The following CELF2 variants were observed in gnomAD, a reference collection of about 807,000 sequenced individuals.
CELF2 encodes the protein CUGBP Elav-like family member 2, also known as CUG triplet repeat RNA-binding protein 2.
In CELF2, 8 loss-of-function variants were observed where a neutral mutation model predicts 62.6. The ratio of observed to expected loss-of-function variants is 0.13; its 90% confidence interval spans 0.07 to 0.23. The LOEUF is 0.23. CELF2 is among the 10% of genes least tolerant of loss of function. CELF2 has a pLI of 1.00. For synonymous variants in CELF2, 258 were observed against 250.0 expected (o/e 1.03, Z -0.30); for missense variants, 333 against 671.0 (o/e 0.50, Z 5.56).
chr10:11,060,695 G>C (rs190466931), intron 1 of CELF2, among the ~76,000 whole-genome samples: 2 of 152,144 alleles, frequency 1.3e-5, no homozygotes, highest in East Asian at 3.9e-4. Flanking sequence ...TGAAATTGTC[G>C]GTGCCATTTC....
At chr10:11,069,431 T>C (rs976958156) in intron 1 of CELF2, among the ~76,000 whole-genome samples, 1 of 152,102 alleles carries the variant, frequency 6.6e-6, no homozygotes, top group Non-Finnish European at 1.5e-5. Flanking sequence ...TCAGGAATCA[T>C]GTGAGTCAGT....
In CELF2 at chr10:11,314,267, A is replaced by G. The variant is rs755564068; in HGVS notation, c.1096+9A>G. On this transcript the variant is annotated intron_variant, in intron 10 of 12. Transcript: ENST00000633077. This position sits in a 1 kb window ranked among gnomAD's most constrained non-coding sequence, Gnocchi z 5.3. ...TATTAATGCACTAGCAGGTACCATC[A>G]ACAGTGAGTATTTGCTGCTCTGGTG... The G allele has an allele frequency of 3.7e-6, 6 of 1,614,176 alleles. No homozygotes were observed. In the South Asian group the frequency reaches 6.6e-5, roughly 18 times the overall value.
At chr10:10,697,468 T>C in the CELF2 span, among the ~76,000 whole-genome samples, 3 of 152,270 alleles carry the variant, frequency 2.0e-5, no homozygotes, top group East Asian at 3.9e-4. Context: ...GTGAGGTTGA[T>C]ATCTTAGTCT....
chr10:11,259,044 T>G (rs1468781185), intron 5 of CELF2, among the ~76,000 whole-genome samples: 2 of 152,250 alleles, frequency 1.3e-5, no homozygotes, highest in African/African-American at 4.8e-5. Flanking sequence ...GTTTTCATTC[T>G]CTTATTACTG....
rs186288901 is a variant in CELF2 at position 11,157,432 on chromosome 10, A to G, written c.75-8054A>G. Among the ~76,000 whole-genome samples, 98 of 152,202 alleles carry G rather than the reference A, an allele frequency of 6.4e-4. No individual in the cohort carries two copies. The highest frequency in any genetic ancestry group is 2.3e-3 in the African/African-American group (97 of 41,516). ...CAAAAATTTCACTTAAACATTGCTC[A>G]CAGGGATGCAGCATAGTTCAGAATG... On this transcript the variant is annotated intron_variant, in intron 1 of 12. Transcript: ENST00000633077. This position sits in a 1 kb window ranked among gnomAD's most constrained non-coding sequence, Gnocchi z 4.9.
chr10:10,857,444 A>G (rs2059782664), intron 1 of CELF2, among the ~76,000 whole-genome samples: 1 of 151,928 alleles, frequency 6.6e-6, no homozygotes, highest in South Asian at 2.1e-4. Context: ...AACAAAGCTT[A>G]AAAACAAATC....
chr10:10,750,695 CA>C, the CELF2 span, among the ~76,000 whole-genome samples: 1 of 152,192 alleles, frequency 6.6e-6, no homozygotes, highest in African/African-American at 2.4e-5. Flanking sequence ...GTTAATTAGG[CA>C]AGAGAAAGTT....
intron 1 of CELF2, among the ~76,000 whole-genome samples, chr10:11,150,608 G>C (rs925413978): frequency 1.3e-5 from 2 of 152,204 alleles, no homozygotes; most frequent in Non-Finnish European, 2.9e-5. Context: ...ATCAGCAGTT[G>C]AGCTGCCTCT....
intron 9 of CELF2, among the ~76,000 whole-genome samples, chr10:11,292,172 C>T (rs1358617237): frequency 6.6e-6 from 1 of 152,212 alleles, no homozygotes; most frequent in Non-Finnish European, 1.5e-5. Context: ...TTTTCCCCAT[C>T]TTCAAGGTAT....
intron 1 of CELF2, among the ~76,000 whole-genome samples, chr10:10,910,038 CAAATCCCTCTTTGATCCAGAA>C (rs1333156891): frequency 6.6e-6 from 1 of 152,150 alleles, no homozygotes; most frequent in African/African-American, 2.4e-5. Context: ...CTGGTATTTG[CAAATCCCTCTTTGATCCAGAA>C]ATTATCAAGA....
At chr10:11,099,474 C>T (rs1249006132) in intron 1 of CELF2, among the ~76,000 whole-genome samples, 1 of 151,886 alleles carries the variant, frequency 6.6e-6, no homozygotes, top group East Asian at 1.9e-4. Context: ...TTCTTCTGTT[C>T]GTTGGCTCTT....
At chr10:10,728,900 G>T in the CELF2 span, among the ~76,000 whole-genome samples, 34 of 152,294 alleles carry the variant, frequency 2.2e-4, no homozygotes, top group South Asian at 7.0e-3. Flanking sequence ...GAGGGGAAAA[G>T]AATTGATTGC....
At chr10:10,552,639 A>G in the CELF2 span, among the ~76,000 whole-genome samples, 1 of 152,234 alleles carries the variant, frequency 6.6e-6, no homozygotes, top group South Asian at 2.1e-4. Context: ...AAACAGGTTC[A>G]TAGTCTGCAT....
intron 12 of CELF2, among the ~76,000 whole-genome samples, chr10:11,326,451 C>T (rs777246558): frequency 2.0e-5 from 3 of 152,236 alleles, no homozygotes; most frequent in Non-Finnish European, 4.4e-5. Context: ...CTCACGGTTA[C>T]ATAGCACGCT....
rs532447603 is a variant in CELF2 at position 11,245,176 on chromosome 10, A to G, written c.355-3977A>G. Among the ~76,000 whole-genome samples, 9 of 152,300 alleles carry G rather than the reference A, an allele frequency of 5.9e-5. No individual in the cohort carries two copies. In the East Asian group the frequency reaches 1.7e-3, roughly 29 times the overall value. On this transcript the variant is annotated intron_variant, in intron 3 of 12. Coordinates refer to ENST00000633077, the MANE Select transcript of CELF2 (RefSeq NM_001326342.2). ...ATTCTTTTTCCATCCTTATACTTTA[A>G]AACTTTGAACTAGAATGTCTACTCT...
intron 2 of CELF2, among the ~76,000 whole-genome samples, chr10:10,930,325 A>G (rs2065936293): frequency 1.3e-5 from 2 of 152,360 alleles, no homozygotes; most frequent in Admixed American, 1.3e-4. Flanking sequence ...ATAAGAGGAT[A>G]GCAAAGACAT....
chr10:11,084,780 A>G (rs1429787396), intron 1 of CELF2, among the ~76,000 whole-genome samples: 4 of 152,188 alleles, frequency 2.6e-5, no homozygotes, highest in Admixed American at 2.6e-4. Context: ...CTCATTTTCT[A>G]AGGTCTGCCC....
At chr10:11,180,867 G>GTTTATTTATTTA (rs57173187) in intron 2 of CELF2, among the ~76,000 whole-genome samples, 1 of 151,784 alleles carries the variant, frequency 6.6e-6, no homozygotes, top group Non-Finnish European at 1.5e-5. Context: ...GAATGAATGA[G>GTTTATTTATTTA]TTTATTTATT....
chr10:10,908,686 A>T (rs1564803375), intron 1 of CELF2, among the ~76,000 whole-genome samples: 1 of 152,242 alleles, frequency 6.6e-6, no homozygotes, highest in Non-Finnish European at 1.5e-5. Context: ...CTTTCAAATC[A>T]TATCAGAACA....
Sources: gnomAD v4.1 joint callset for allele counts (sites outside exome capture counted in the v4.1 genomes callset) on GRCh38, gnomAD v4.1.1 for gene constraint, Gnocchi (gnomAD v3.1) non-coding constraint, MANE v1.5 for transcripts, NCBI Gene and HGNC (gene_info 2026-07-23, HGNC 2026-07-21) for gene names.